Variants in RARRES1 observed in about 807,000 individuals in gnomAD.
RARRES1 encodes the protein retinoic acid receptor responder 1, also known as retinoic acid receptor responder protein 1.
In RARRES1, 34 loss-of-function variants were observed where a neutral mutation model predicts 30.6. The ratio of observed to expected loss-of-function variants is 1.11; its 90% CI spans 0.84 to 1.48. RARRES1 has a LOEUF of 1.48. Ranked by LOEUF, RARRES1 falls within the 40% of genes most tolerant of loss-of-function variation. The pLI is 0.00. For synonymous variants in RARRES1, 153 were observed against 155.5 expected (o/e 0.98, Z 0.12); for missense variants, 373 against 386.5 (o/e 0.97, Z 0.29).
intron 1 of RARRES1, among the ~76,000 whole-genome samples, chr3:158,722,036 G>C (rs1431710671): frequency 7.1e-6 from 1 of 140,284 alleles, no homozygotes. Context: ...GTTTGCGGGT[G>C]AGCCGAGATG....
chr3:158,731,565 G>C (rs1413626354), intron 1 of RARRES1, among the ~76,000 whole-genome samples: 1 of 152,244 alleles, frequency 6.6e-6, no homozygotes, highest in Non-Finnish European at 1.5e-5. Flanking sequence ...GATCAAATCA[G>C]ACGCCAGCAT....
chr3:158,710,978 G>C (rs765224222), intron 2 of RARRES1, 45 bp from the exon 3 acceptor site: 2 of 1,526,060 alleles, frequency 1.3e-6, no homozygotes, highest in South Asian at 1.1e-5. Context: ...ACTCACCCCA[G>C]TGCACACAAG....
intron 1 of RARRES1, among the ~76,000 whole-genome samples, chr3:158,729,852 A>C (rs1727815118): frequency 6.6e-6 from 1 of 152,166 alleles, no homozygotes; most frequent in Admixed American, 6.5e-5. Flanking sequence ...TTCTGCAGGG[A>C]ATCCTGCCCC....
chr3:158,721,951 C>T (rs1358465030), intron 1 of RARRES1, among the ~76,000 whole-genome samples: 5 of 151,922 alleles, frequency 3.3e-5, no homozygotes, highest in African/African-American at 4.8e-5. Flanking sequence ...ATTAGCTGGG[C>T]GTGGTGGCGC....
chr3:158,701,709 G>C (rs544693687), intron 4 of RARRES1, among the ~76,000 whole-genome samples: 4 of 152,270 alleles, frequency 2.6e-5, no homozygotes, highest in African/African-American at 9.6e-5. Flanking sequence ...GGTCACAGGA[G>C]ACCTTAGTGG....
At chr3:158,726,982 T>A (rs1306654490) in intron 1 of RARRES1, among the ~76,000 whole-genome samples, 1 of 152,110 alleles carries the variant, frequency 6.6e-6, no homozygotes, top group African/African-American at 2.4e-5. Context: ...GTGTGGCAGC[T>A]CCCCACTTGC....
intron 1 of RARRES1, among the ~76,000 whole-genome samples, 165 bp downstream of exon 1, chr3:158,731,975 T>G (rs57473606): frequency 6.6e-6 from 1 of 152,172 alleles, no homozygotes; most frequent in Non-Finnish European, 1.5e-5. Flanking sequence ...CCTGGGATAC[T>G]TCAGGGGCGC....
In RARRES1 at chr3:158,713,840, C is replaced by T. The variant is rs1239117457; in HGVS notation, c.296G>A (p.Cys99Tyr). 11 of 1,614,074 alleles carry T rather than the reference C, an allele frequency of 6.8e-6. No individual in the cohort carries two copies. In the South Asian group the frequency reaches 7.7e-5, roughly 11 times the overall value. The change falls in exon 2 of 6, where the codon TGT becomes TAT. Residue 99 changes from cysteine (C) to tyrosine (Y), a missense_variant. By Grantham distance (194) the Cys-to-Tyr change is radical (BLOSUM62 -2). Coordinates refer to ENST00000237696, the MANE Select transcript of RARRES1 (RefSeq NM_206963.2). ...GRAWINPKEG[C>Y]KVHVVFSTER... is the part of the protein sequence containing the mutation. The stretch of plus-strand genomic sequence containing the variant: ...TGTGCTGAAGACCACGTGAACTTTA[C>T]ATCCCTCTTTTGGATTAATCTGGAA...
rs373044165 is a variant in RARRES1, at chr3:158,723,721, C to A, written c.276+8419G>T. Among the ~76,000 whole-genome samples the A allele has an allele frequency of 4.6e-5, 7 of 152,254 alleles. No individual in the cohort carries two copies. Among genetic ancestry groups the A allele is most frequent in the African/African-American group, 1.7e-4 (7 of 41,554 alleles). ...TGGAAGTGGCCAGAGGCAGCTGCCCCCTCCAGGTCCCCTCTGGCCTCAGGT... is the reference window on the plus strand; with the variant it reads ...TGGAAGTGGCCAGAGGCAGCTGCCCACTCCAGGTCCCCTCTGGCCTCAGGT... On this transcript the variant is annotated intron_variant, in intron 1 of 5. Coordinates refer to ENST00000237696, the MANE Select transcript of RARRES1 (RefSeq NM_206963.2). This position sits in a 1 kb window ranked among gnomAD's most constrained non-coding sequence, Gnocchi z 4.4.
At chr3:158,704,726 C>T in intron 4 of RARRES1, 65 bp downstream of exon 4, 2 of 1,528,518 alleles carry the variant, frequency 1.3e-6, no homozygotes, top group Non-Finnish European at 1.8e-6. Flanking sequence ...CGCATGAATT[C>T]AGTCTAAGGA....
intron 4 of RARRES1, among the ~76,000 whole-genome samples, chr3:158,702,955 A>T (rs1269303404): frequency 6.6e-6 from 1 of 152,244 alleles, no homozygotes; most frequent in Admixed American, 6.5e-5. Flanking sequence ...TGTATTATTG[A>T]CATTAAAAAT....
chr3:158,712,023 T>G (rs552432011), intron 2 of RARRES1, among the ~76,000 whole-genome samples: 3 of 152,194 alleles, frequency 2.0e-5, no homozygotes, highest in African/African-American at 7.2e-5. Context: ...TTCTTCCCCC[T>G]TTTAAGGAAT....
At chr3:158,701,329 G>A (rs558058478) in intron 4 of RARRES1, among the ~76,000 whole-genome samples, 25 of 151,364 alleles carry the variant, frequency 1.7e-4, no homozygotes, top group Middle Eastern at 3.4e-3. Context: ...AGTAAGATGT[G>A]TCTTACTTTA....
At chr3:158,719,097 A>G (rs151124293) in intron 1 of RARRES1, among the ~76,000 whole-genome samples, 80 of 152,190 alleles carry the variant, frequency 5.3e-4, no homozygotes, top group Admixed American at 1.1e-3. Flanking sequence ...GAAAAGGGCT[A>G]TTTAATAAGA....
chr3:158,730,717 G>A (rs867861916), intron 1 of RARRES1, among the ~76,000 whole-genome samples: 2 of 152,090 alleles, frequency 1.3e-5, no homozygotes, highest in African/African-American at 2.4e-5. Context: ...CTCCCAAAGT[G>A]CTGAGATTAC....
At chr3:158,711,030 G>A in intron 2 of RARRES1, 97 bp from the exon 3 acceptor site, 1 of 1,176,502 alleles carries the variant, frequency 8.5e-7, no homozygotes, top group Non-Finnish European at 1.2e-6. Context: ...AAGGCAGGCA[G>A]GCTCTGGCAT....
In RARRES1 at chr3:158,697,664, A is replaced by G; in HGVS notation, c.*14T>C. Reference sequence around the variant, plus strand: ...TCACTTGTTTAGAAGTCGGAAAAAGATCATTTTTTCTTTTTAGAAATTACT... The same window carrying G: ...TCACTTGTTTAGAAGTCGGAAAAAGGTCATTTTTTCTTTTTAGAAATTACT... On this transcript the variant is annotated 3_prime_UTR_variant, in exon 6 of 6. Transcript: ENST00000237696. 6.3e-7 allele frequency: 1 copy of G among 1,597,814 alleles called. No homozygotes were observed. Among genetic ancestry groups the G allele is most frequent in the Non-Finnish European group, 8.6e-7 (1 of 1,169,380 alleles).
chr3:158,732,152 C>T lies in RARRES1; in HGVS notation c.264G>A (p.Glu88=). 5 of 1,400,014 alleles carry T rather than the reference C, an allele frequency of 3.6e-6. No homozygotes were observed. Among genetic ancestry groups the T allele is most frequent in the Non-Finnish European group, 4.6e-6 (5 of 1,084,820 alleles). The allele number at this position is 1,400,014 out of a possible 1,614,324, so 86.7% of individuals were successfully genotyped here. A position where few individuals can be genotyped will look rare whatever the true frequency, so the allele number is the denominator to read the frequency against. ...SALRVLAEVQ[E]GRAWINPKEG... ...GCTCCGCACTCACCCACGCGCGGCC[C>T]TCCTGCACCTCGGCCAGCACTCGTA... The change falls in exon 1 of 6, where the codon GAG becomes GAA. Residue 88 remains glutamate, a synonymous_variant. Transcript: ENST00000237696.
At chr3:158,722,881 C>A (rs199827800) in intron 1 of RARRES1, among the ~76,000 whole-genome samples, 178 of 109,974 alleles carry the variant, frequency 1.6e-3, no homozygotes, top group Middle Eastern at 9.3e-3. Flanking sequence ...GACTCCATCT[C>A]AAAAAAAAAA....
Sources: gnomAD v4.1 joint callset for allele counts (sites outside exome capture counted in the v4.1 genomes callset) on GRCh38, gnomAD v4.1.1 for gene constraint, Gnocchi (gnomAD v3.1) non-coding constraint, MANE v1.5 for transcripts, NCBI Gene and HGNC (gene_info 2026-07-23, HGNC 2026-07-21) for gene names.